CDKAL1: variants seen among roughly 807,000 people sequenced by gnomAD.
CDKAL1 encodes CDKAL1 threonylcarbamoyladenosine tRNA methylthiotransferase.
Under a neutral mutation model 68.2 loss-of-function variants are expected in CDKAL1, and 32 were observed. That is an observed-to-expected ratio of 0.47 (90% CI 0.35 to 0.63). The LOEUF is 0.63. Ranked by LOEUF, CDKAL1 falls within the 30% of genes least tolerant of loss-of-function variation. The pLI is 0.00. For missense variants in CDKAL1, 606 were observed against 696.7 expected (o/e 0.87, Z 1.47); for synonymous variants, 234 against 244.3 (o/e 0.96, Z 0.39).
chr6:21,120,923 C>T (rs945871871), intron 13 of CDKAL1, among the ~76,000 whole-genome samples: 1 of 152,120 alleles, frequency 6.6e-6, no homozygotes, highest in African/African-American at 2.4e-5. Context: ...TATAATCTCA[C>T]AAACATGTCA....
intron 12 of CDKAL1, among the ~76,000 whole-genome samples, chr6:21,095,572 AC>A (rs1246389469): frequency 1.4e-5 from 2 of 142,438 alleles, no homozygotes; most frequent in East Asian, 2.1e-4. Context: ...TTTCCCCCCA[AC>A]CCCCCTCCTA....
intron 4 of CDKAL1, among the ~76,000 whole-genome samples, chr6:20,616,944 G>A (rs1463760992): frequency 3.3e-5 from 5 of 150,188 alleles, no homozygotes; most frequent in African/African-American, 1.2e-4. Context: ...AGAGGCTTAG[G>A]CTGGAGAATC....
intron 13 of CDKAL1, among the ~76,000 whole-genome samples, chr6:21,184,855 T>C (rs1190744484): frequency 7.4e-6 from 1 of 135,490 alleles, no homozygotes; most frequent in Non-Finnish European, 1.5e-5. Context: ...TCTGTAGAGA[T>C]GGGGTTTCAC....
chr6:20,633,124 A>G (rs1767747403), intron 4 of CDKAL1, among the ~76,000 whole-genome samples: 1 of 152,190 alleles, frequency 6.6e-6, no homozygotes, highest in Non-Finnish European at 1.5e-5. Flanking sequence ...CACAGTTTTC[A>G]TAGAGTCAAT....
intron 5 of CDKAL1, among the ~76,000 whole-genome samples, chr6:20,702,716 A>C (rs1318450572): frequency 6.6e-6 from 1 of 151,768 alleles, no homozygotes; most frequent in Non-Finnish European, 1.5e-5. Flanking sequence ...TTGGCCTGCT[A>C]GGGTCTCGGG....
intron 11 of CDKAL1, among the ~76,000 whole-genome samples, chr6:21,024,683 G>A (rs1289500508): frequency 2.0e-5 from 3 of 152,176 alleles, no homozygotes; most frequent in Admixed American, 2.0e-4. Flanking sequence ...GCTTTACACA[G>A]TCTATAAGAT....
chr6:20,729,996 T>C (rs1172333609), intron 5 of CDKAL1, among the ~76,000 whole-genome samples: 1 of 152,010 alleles, frequency 6.6e-6, no homozygotes, highest in Non-Finnish European at 1.5e-5. Flanking sequence ...AAGGAGGTGG[T>C]TGGAGACAGA....
intron 4 of CDKAL1, among the ~76,000 whole-genome samples, chr6:20,609,276 C>CCTCCTTCTCCCTCTT (rs1766484043): frequency 7.6e-6 from 1 of 131,664 alleles, no homozygotes; most frequent in African/African-American, 3.1e-5. Context: ...TCCTCCTTCT[C>CCTCCTTCTCCCTCTT]CTCCTTCTCC....
At chr6:21,154,175 C>T (rs751712369) in intron 13 of CDKAL1, among the ~76,000 whole-genome samples, 2 of 150,332 alleles carry the variant, frequency 1.3e-5, no homozygotes, top group African/African-American at 4.9e-5. Context: ...AAATGTTTTG[C>T]GTGTAAGTAC....
chr6:20,892,896 G>A lies in CDKAL1; in HGVS notation c.742+46718G>A, dbSNP rs1157304580. Among the ~76,000 whole-genome samples the A allele has an allele frequency of 7.2e-5, 11 of 152,350 alleles. 1 individual carries two copies. Among genetic ancestry groups the A allele is most frequent in the Admixed American group, 6.5e-5 (1 of 15,304 alleles). ...ATGAATTAAACTGAGGCAAAGTCAA[G>A]TGGATGAAAACCTCCTGGTCTTTCA... On this transcript the variant is annotated intron_variant, in intron 9 of 15. Transcript: ENST00000274695.
chr6:21,052,203 A>G (rs113301189), intron 11 of CDKAL1, among the ~76,000 whole-genome samples: 2 of 152,344 alleles, frequency 1.3e-5, no homozygotes, highest in African/African-American at 4.8e-5. Context: ...TTCTCTTTCA[A>G]TATAAATAGA....
At chr6:20,633,091 A>G (rs1423753944) in intron 4 of CDKAL1, among the ~76,000 whole-genome samples, 1 of 152,226 alleles carries the variant, frequency 6.6e-6, no homozygotes, top group Admixed American at 6.5e-5. Context: ...TTCCTATGCC[A>G]TGAAATTCAC....
chr6:20,733,430 A>T, intron 5 of CDKAL1, among the ~76,000 whole-genome samples: 1 of 152,202 alleles, frequency 6.6e-6, no homozygotes, highest in Non-Finnish European at 1.5e-5. Context: ...AAGTTCTCTG[A>T]AAAAGGGATT....
Position 20,870,583 on chromosome 6 carries a change from T to A in CDKAL1, c.742+24405T>A, listed in dbSNP as rs1760160288. ...GTTTACTTGTTTGTTTTCAAAGCAT[T>A]AAAATATCAGCATTTTTTTCCCCTC... On this transcript the variant is annotated intron_variant, in intron 9 of 15. Transcript: ENST00000274695. 3.9e-5 allele frequency among the ~76,000 whole-genome samples: 6 copies of A among 152,310 alleles called. No individual in the cohort carries two copies. In the South Asian group the frequency reaches 1.2e-3, roughly 32 times the overall value.
At chr6:20,925,615 A>G (rs1763149876) in intron 9 of CDKAL1, among the ~76,000 whole-genome samples, 1 of 152,192 alleles carries the variant, frequency 6.6e-6, no homozygotes, top group African/African-American at 2.4e-5. Context: ...ATGTAAAAGC[A>G]TTTTATTGTT....
chr6:20,563,081 TATATG>T (rs1381871761), intron 4 of CDKAL1, among the ~76,000 whole-genome samples: 2 of 152,230 alleles, frequency 1.3e-5, no homozygotes, highest in Non-Finnish European at 2.9e-5. Context: ...ATTGAATTGC[TATATG>T]ATATAAGATG....
chr6:20,858,346 A>G (rs1182573480), intron 9 of CDKAL1, among the ~76,000 whole-genome samples: 2 of 151,774 alleles, frequency 1.3e-5, no homozygotes, highest in African/African-American at 4.8e-5. Flanking sequence ...CTGTTTATGT[A>G]TCAATATTTT....
chr6:21,106,179 T>G (rs1329241962), intron 12 of CDKAL1, among the ~76,000 whole-genome samples: 1 of 152,212 alleles, frequency 6.6e-6, no homozygotes, highest in East Asian at 1.9e-4. Flanking sequence ...AGAATATGAT[T>G]ATATTAAAAA....
chr6:21,081,666 G>C (rs1424273332), intron 12 of CDKAL1, among the ~76,000 whole-genome samples: 1 of 150,754 alleles, frequency 6.6e-6, no homozygotes, highest in African/African-American at 2.4e-5. Context: ...CCGCCTCCTA[G>C]GTTCAAGCAA....
Sources: gnomAD v4.1 joint callset for allele counts (sites outside exome capture counted in the v4.1 genomes callset) on GRCh38, gnomAD v4.1.1 for gene constraint, MANE v1.5 for transcripts, NCBI Gene and HGNC (gene_info 2026-07-23, HGNC 2026-07-21) for gene names.